The following NMNAT3 variants were observed in gnomAD, a reference collection of about 807,000 sequenced individuals.
The protein encoded by NMNAT3 is nicotinamide nucleotide adenylyltransferase 3.
A neutral mutation model predicts 24.8 loss-of-function variants in NMNAT3; 21 were observed. That is an observed-to-expected ratio of 0.85 (90% CI 0.60 to 1.22). NMNAT3 has a LOEUF of 1.22. NMNAT3 is among the 50% of genes most tolerant of loss of function. The pLI is 0.00. For missense variants in NMNAT3, 387 were observed against 436.6 expected, an observed-to-expected ratio of 0.89 and a Z score of 1.01; for synonymous variants, 136 against 155.2, an observed-to-expected ratio of 0.88 and a Z score of 0.92.
At chr3:139,675,780 G>C (rs1406962668) in intron 1 of NMNAT3, among the ~76,000 whole-genome samples, 3 of 152,202 alleles carry the variant, frequency 2.0e-5, no homozygotes, top group Non-Finnish European at 4.4e-5. Flanking sequence ...ACTGCTCTAT[G>C]TATTTTAGGT....
intron 4 of NMNAT3, among the ~76,000 whole-genome samples, chr3:139,581,369 CTT>C (rs34310912): frequency 0.015 from 2,182 of 143,546 alleles, 56 homozygotes; most frequent in African/African-American, 0.051. Context: ...AGGAGAACAT[CTT>C]TTTTTTTTTT....
At chr3:139,633,623 A>C (rs2056388836) in intron 2 of NMNAT3, among the ~76,000 whole-genome samples, 1 of 152,072 alleles carries the variant, frequency 6.6e-6, no homozygotes, top group African/African-American at 2.4e-5. Context: ...TGGAGAGGGA[A>C]TTGAGATGCT....
chr3:139,662,016 C>A (rs571592549), intron 1 of NMNAT3, among the ~76,000 whole-genome samples: 2 of 152,180 alleles, frequency 1.3e-5, no homozygotes, highest in Non-Finnish European at 2.9e-5. Flanking sequence ...GTGTGAATGT[C>A]CCCGCAAAAT....
chr3:139,653,979 TCTG>T (rs1656533398), intron 1 of NMNAT3, among the ~76,000 whole-genome samples: 1 of 152,180 alleles, frequency 6.6e-6, no homozygotes, highest in South Asian at 2.1e-4. Context: ...GACCAGCGCT[TCTG>T]CTCCCCCCTC....
intron 4 of NMNAT3, among the ~76,000 whole-genome samples, chr3:139,581,150 A>T (rs1940116222): frequency 6.6e-6 from 1 of 152,214 alleles, no homozygotes; most frequent in African/African-American, 2.4e-5. Flanking sequence ...AGTCTAAGTC[A>T]TGAAAAACAA....
intron 6 of NMNAT3, chr3:139,568,620 AG>A (rs1937580218): frequency 6.6e-6 from 1 of 152,188 alleles, no homozygotes; most frequent in Non-Finnish European, 1.5e-5. Flanking sequence ...ATTCAGGAGC[AG>A]GTTGTTCCGT....
intron 6 of NMNAT3, among the ~76,000 whole-genome samples, chr3:139,561,664 A>T (rs1354447903): frequency 6.6e-6 from 1 of 152,200 alleles, no homozygotes; most frequent in African/African-American, 2.4e-5. Flanking sequence ...GTTCTAACAG[A>T]AGTCTGTCTG....
At chr3:139,584,643 T>C (rs2053850025) in intron 3 of NMNAT3, among the ~76,000 whole-genome samples, 1 of 152,242 alleles carries the variant, frequency 6.6e-6, no homozygotes, top group Admixed American at 6.5e-5. Context: ...TTATCTTTTG[T>C]TATTGATTTC....
chr3:139,633,368 C>T (rs556893435), intron 2 of NMNAT3, among the ~76,000 whole-genome samples: 27 of 152,006 alleles, frequency 1.8e-4, no homozygotes, highest in African/African-American at 5.1e-4. Context: ...TTAGTAGAGA[C>T]GGGGTTTCTC....
rs563917422 is a variant in NMNAT3 at position 139,605,937 on chromosome 3, A to G, written c.109+21679T>C. On this transcript the variant is annotated intron_variant, in intron 3 of 6. Transcript: ENST00000643695. ...TGATTTTTTTTTTTTTCTGTAACAAATTTACTTAAATATCTAGATAATGAC... is the reference window on the plus strand; with the variant it reads ...TGATTTTTTTTTTTTTCTGTAACAAGTTTACTTAAATATCTAGATAATGAC... Among the ~76,000 whole-genome samples, 10 of 151,418 alleles carry G rather than the reference A, an allele frequency of 6.6e-5. No individual in the cohort carries two copies. In the East Asian group the frequency reaches 1.9e-3, roughly 29 times the overall value.
In NMNAT3 at chr3:139,593,964, A is replaced by T. The variant is rs2054322053; in HGVS notation, c.110-10756T>A. On this transcript the variant is annotated intron_variant, in intron 3 of 6. Coordinates refer to ENST00000643695, the MANE Select transcript of NMNAT3 (RefSeq NM_001320510.2). ...GAAGGCAAGAAATAACTAAAATCAGAGCAGAACTGAAGGAAATAGAGACAC... is the reference window on the plus strand; with the variant it reads ...GAAGGCAAGAAATAACTAAAATCAGTGCAGAACTGAAGGAAATAGAGACAC... Among the ~76,000 whole-genome samples, 6 of 150,730 alleles carry T rather than the reference A, an allele frequency of 4.0e-5. No homozygotes were observed. In the South Asian group the frequency reaches 1.3e-3, roughly 32 times the overall value.
At chr3:139,588,923 G>T (rs898763291) in intron 3 of NMNAT3, among the ~76,000 whole-genome samples, 4 of 152,184 alleles carry the variant, frequency 2.6e-5, no homozygotes, top group Non-Finnish European at 4.4e-5. Context: ...ACATTTGGGG[G>T]TCTTGAACCT....
intron 1 of NMNAT3, among the ~76,000 whole-genome samples, chr3:139,656,083 C>T (rs887254332): frequency 6.6e-6 from 1 of 152,240 alleles, no homozygotes; most frequent in Admixed American, 6.5e-5. Context: ...ATCACAATCT[C>T]TCCTAAACAA....
At chr3:139,591,733 C>T (rs887989170) in intron 3 of NMNAT3, among the ~76,000 whole-genome samples, 42 of 152,352 alleles carry the variant, frequency 2.8e-4, no homozygotes, top group South Asian at 6.2e-4. Context: ...AGGCCGGGTA[C>T]TCCAACAGAC....
At chr3:139,599,451 G>A in intron 3 of NMNAT3, 1 of 698,754 alleles carries the variant, frequency 1.4e-6, no homozygotes, top group Non-Finnish European at 2.6e-6. Context: ...GGAAACAAAG[G>A]CCTTGAAAGA....
intron 6 of NMNAT3, among the ~76,000 whole-genome samples, chr3:139,572,393 T>C (rs556473358): frequency 6.6e-6 from 1 of 152,266 alleles, no homozygotes; most frequent in Non-Finnish European, 1.5e-5. Context: ...ATAAGATGAT[T>C]ATATAGGAGG....
intron 3 of NMNAT3, among the ~76,000 whole-genome samples, chr3:139,592,381 T>C (rs1051794747): frequency 2.4e-4 from 37 of 152,136 alleles, no homozygotes; most frequent in Non-Finnish European, 2.6e-4. Context: ...TGGAACCAAG[T>C]TGGAAAACAC....
chr3:139,676,606 T>C (rs2108473967), intron 1 of NMNAT3, among the ~76,000 whole-genome samples: 1 of 152,316 alleles, frequency 6.6e-6, no homozygotes, highest in East Asian at 1.9e-4. Context: ...AGGGTGGAAC[T>C]GTCACTTTAT....
chr3:139,621,102 T>C (rs530850806), intron 3 of NMNAT3, among the ~76,000 whole-genome samples: 2 of 152,298 alleles, frequency 1.3e-5, no homozygotes, highest in Admixed American at 6.5e-5. Flanking sequence ...TTTAAGAAAC[T>C]GCGAAGTTAT....
Sources: allele counts gnomAD v4.1 joint callset (sites outside exome capture counted in the v4.1 genomes callset), GRCh38; gene constraint gnomAD v4.1.1; transcripts MANE v1.5; gene names NCBI Gene and HGNC (gene_info 2026-07-23, HGNC 2026-07-21).